GRM1: variants seen among roughly 807,000 people sequenced by gnomAD.
GRM1 encodes metabotropic glutamate receptor 1.
In GRM1, 33 loss-of-function variants were observed where a neutral mutation model predicts 90.9. The ratio of observed to expected loss-of-function variants is 0.36; its 90% CI spans 0.28 to 0.49. GRM1 has a LOEUF of 0.49. GRM1 is among the 20% of genes least tolerant of loss of function. GRM1 has a pLI of 0.99. For synonymous variants in GRM1, 700 were observed against 613.2 expected, an observed-to-expected ratio of 1.14 and a Z score of -2.09; for missense variants, 1,190 against 1,534.3, an observed-to-expected ratio of 0.78 and a Z score of 3.75.
chr6:146,321,701 C>G (rs146230834), intron 3 of GRM1, among the ~76,000 whole-genome samples: 1 of 151,766 alleles, frequency 6.6e-6, no homozygotes, highest in African/African-American at 2.4e-5. Context: ...TGCATTGATC[C>G]CTTTACCATT....
chr6:146,419,422 C>T (rs1255285312), intron 7 of GRM1, among the ~76,000 whole-genome samples: 1 of 152,122 alleles, frequency 6.6e-6, no homozygotes, highest in Non-Finnish European at 1.5e-5. Flanking sequence ...ACTCAAATTT[C>T]AGAGAGAAGA....
intron 1 of GRM1, among the ~76,000 whole-genome samples, chr6:146,057,773 T>C (rs183908426): frequency 6.6e-6 from 1 of 152,150 alleles, no homozygotes; most frequent in African/African-American, 2.4e-5. Context: ...ACTGAGTATA[T>C]GGAATCAAAC....
chr6:146,313,048 T>G (rs1177530570), intron 3 of GRM1, among the ~76,000 whole-genome samples: 1 of 152,238 alleles, frequency 6.6e-6, no homozygotes. Context: ...TTACCTTATA[T>G]TCATCTTGAT....
chr6:146,130,765 G>T (rs917912550), intron 1 of GRM1, among the ~76,000 whole-genome samples: 1 of 152,118 alleles, frequency 6.6e-6, no homozygotes, highest in African/African-American at 2.4e-5. Flanking sequence ...CTGAGTTTAG[G>T]CTGTGACATT....
At chr6:146,294,932 C>T (rs926889311) in intron 2 of GRM1, among the ~76,000 whole-genome samples, 19 of 152,020 alleles carry the variant, frequency 1.2e-4, no homozygotes, top group African/African-American at 4.6e-4. Flanking sequence ...TTTAGAAAAA[C>T]GTGTTACAAA....
intron 2 of GRM1, among the ~76,000 whole-genome samples, chr6:146,232,997 G>A (rs1780499402): frequency 6.6e-6 from 1 of 151,846 alleles, no homozygotes; most frequent in African/African-American, 2.4e-5. Flanking sequence ...GTGGTATTCT[G>A]TGTCTTTCCT....
rs1391038463 is a variant in GRM1 at position 146,223,498 on chromosome 6, A to G, written c.950+63901A>G. Among the ~76,000 whole-genome samples, 6 of 152,210 alleles carry G rather than the reference A, an allele frequency of 3.9e-5. No homozygotes were observed. The South Asian group carries it at 1.0e-3, about 26-fold the overall frequency. ...CATCTGCAAGCTCTAACTTGGTTTC[A>G]CTGACCTCAAGACATGTGTTTGAGA... On this transcript the variant is annotated intron_variant, in intron 2 of 7. Transcript: ENST00000282753.
Position 146,428,580 on chromosome 6 carries a change from T to C in GRM1, c.2661-5292T>C, listed in dbSNP as rs76914832. Among the ~76,000 whole-genome samples, 405 of 152,358 alleles carry C rather than the reference T, an allele frequency of 2.7e-3. 2 individuals carry two copies. Among genetic ancestry groups the C allele is most frequent in the African/African-American group, 9.4e-3 (391 of 41,582 alleles). The stretch of plus-strand genomic sequence containing the variant: ...AATCTCTTACTATTAAGAGATTGTT[T>C]CTGGTAGCACAAAGTATAGAAGAAA... On this transcript the variant is annotated intron_variant, in intron 7 of 7. Coordinates refer to ENST00000282753, the MANE Select transcript of GRM1 (RefSeq NM_001278064.2).
At chr6:146,211,100 C>T (rs887363340) in intron 2 of GRM1, among the ~76,000 whole-genome samples, 7 of 150,370 alleles carry the variant, frequency 4.7e-5, no homozygotes, top group African/African-American at 1.7e-4. Flanking sequence ...GTCAGTGTAA[C>T]TTTCTATTTG....
At chr6:146,221,281 T>A (rs1193211204) in intron 2 of GRM1, among the ~76,000 whole-genome samples, 1 of 152,078 alleles carries the variant, frequency 6.6e-6, no homozygotes, top group East Asian at 1.9e-4. Context: ...CATGGTGGTT[T>A]GCTGCACTCA....
At chr6:146,200,110 C>T (rs1230155704) in intron 2 of GRM1, among the ~76,000 whole-genome samples, 2 of 152,164 alleles carry the variant, frequency 1.3e-5, no homozygotes, top group Non-Finnish European at 2.9e-5. Flanking sequence ...TGGAACTAAA[C>T]TAAAATTTTC....
intron 2 of GRM1, among the ~76,000 whole-genome samples, chr6:146,206,725 C>T (rs1277774560): frequency 6.6e-6 from 1 of 151,838 alleles, no homozygotes; most frequent in African/African-American, 2.4e-5. Context: ...ATCTCATCAC[C>T]CAGGTATTAA....
chr6:146,053,506 C>A (rs915794890), intron 1 of GRM1, among the ~76,000 whole-genome samples: 5 of 152,014 alleles, frequency 3.3e-5, no homozygotes, highest in African/African-American at 1.2e-4. Context: ...ATTCCAGGAA[C>A]CTCATTTTGC....
chr6:146,058,324 A>G (rs1338032276), intron 1 of GRM1, among the ~76,000 whole-genome samples: 2 of 152,152 alleles, frequency 1.3e-5, no homozygotes, highest in Non-Finnish European at 2.9e-5. Context: ...AAATATTGCG[A>G]TAAGTGAGTC....
intron 2 of GRM1, among the ~76,000 whole-genome samples, chr6:146,197,458 T>A (rs1391200480): frequency 6.6e-6 from 1 of 152,212 alleles, no homozygotes; most frequent in Non-Finnish European, 1.5e-5. Flanking sequence ...ATAAGATCCC[T>A]GAAAACACCT....
At chr6:146,073,912 G>A (rs1278882813) in intron 1 of GRM1, among the ~76,000 whole-genome samples, 1 of 151,884 alleles carries the variant, frequency 6.6e-6, no homozygotes, top group Non-Finnish European at 1.5e-5. Flanking sequence ...GTCCATATGT[G>A]GAGAAAAAAG....
Position 146,352,326 on chromosome 6 carries a change from A to T in GRM1, c.1263A>T (p.Ala421=), listed in dbSNP as rs1785437329. 1.2e-6 allele frequency: 2 copies of T among 1,614,128 alleles called. No homozygotes were observed. Among genetic ancestry groups the T allele is most frequent in the Non-Finnish European group, 1.7e-6 (2 of 1,179,926 alleles). Reference sequence around the variant, plus strand: ...TCATCAATGCCATCTATGCCATGGCACATGGGCTGCAGAACATGCACCATG... The same window carrying T: ...TCATCAATGCCATCTATGCCATGGCTCATGGGCTGCAGAACATGCACCATG... ...GFVINAIYAM[A]HGLQNMHHAL... Residue 421 remains alanine (A), a synonymous_variant, in exon 4 of 8, where the codon GCA becomes GCT. Transcript: ENST00000282753.
intron 2 of GRM1, among the ~76,000 whole-genome samples, chr6:146,297,368 G>A (rs890210154): frequency 1.3e-5 from 2 of 152,042 alleles, no homozygotes; most frequent in Non-Finnish European, 2.9e-5. Context: ...CACTGTGTTA[G>A]CCAGGATGGT....
chr6:146,268,273 A>T (rs139342444), intron 2 of GRM1, among the ~76,000 whole-genome samples: 5 of 152,148 alleles, frequency 3.3e-5, no homozygotes, highest in Non-Finnish European at 5.9e-5. Context: ...GTAACTTTCC[A>T]TTGCCACTTC....
Sources: gnomAD v4.1 joint callset for allele counts (sites outside exome capture counted in the v4.1 genomes callset) on GRCh38, gnomAD v4.1.1 for gene constraint, MANE v1.5 for transcripts, NCBI Gene and HGNC (gene_info 2026-07-23, HGNC 2026-07-21) for gene names.